The following FAM50A variants were observed in gnomAD, a reference collection of about 807,000 sequenced individuals.
FAM50A encodes the protein protein FAM50A.
In FAM50A, 6 loss-of-function variants were observed where a neutral mutation model predicts 35.5. The observed-to-expected ratio is 0.17, with a 90% confidence interval of 0.09 to 0.33. The LOEUF is 0.33. Ranked by LOEUF, FAM50A falls within the 10% of genes least tolerant of loss-of-function variation. The probability of loss-of-function intolerance (pLI) is 1.00; values close to 1 mark genes in which losing one functional copy is unlikely to be tolerated. For synonymous variants in FAM50A, 120 were observed against 110.9 expected, an observed-to-expected ratio of 1.08 and a Z score of -0.52; for missense variants, 145 against 295.5, an observed-to-expected ratio of 0.49 and a Z score of 3.73.
rs781785747 is a variant in FAM50A, at chrX:154,444,203, C to CCCGCCGCCGCCGCCG, written c.-19_-5dup. 2 of 581,405 alleles carry CCCGCCGCCGCCGCCG rather than the reference C, an allele frequency of 3.4e-6. No individual in the cohort carries two copies. The highest frequency in any genetic ancestry group is 2.6e-5 in the African/African-American group (1 of 38,694). 47.9% of individuals were successfully genotyped at this position (581,405 alleles called of 1,213,427 possible). On this transcript the variant is annotated 5_prime_UTR_variant, in exon 1 of 13. Coordinates refer to ENST00000393600, the MANE Select transcript of FAM50A (RefSeq NM_004699.4). ...GCTGTCGCTGTCGCCGCCGCCGCCG[C>CCCGCCGCCGCCGCCG]CCGCCGCCGCCGCCGCCGCCGCCGC... is the stretch of plus-strand genomic sequence containing the variant.
intron 3 of FAM50A, 69 bp from the exon 4 acceptor site, chrX:154,446,346 G>A (rs1256164235): frequency 2.8e-6 from 3 of 1,077,469 alleles, no homozygotes; most frequent in African/African-American, 3.6e-5. Context: ...GTGGCTCTGG[G>A]TCAAGGAAGG....
chrX:154,444,166 G>GC lies in FAM50A; in HGVS notation c.-69dup, dbSNP rs2068770034. On this transcript the variant is annotated 5_prime_UTR_variant, in exon 1 of 13. Transcript: ENST00000393600. ...AGCTGACTGTTCGGCCGCCACCGCC[G>GC]CTGCCGCTGCCGCTGTCGCTGTCGC... 3.0e-6 allele frequency: 1 copy of GC among 330,827 alleles called. No individual in the cohort carries two copies. The highest frequency in any genetic ancestry group is 3.9e-6 in the Non-Finnish European group (1 of 254,763). 27.3% of individuals were successfully genotyped at this position (330,827 alleles called of 1,213,427 possible).
rs782742496 is a variant in FAM50A at position 154,449,875 on chromosome X, G to A, written c.781-8G>A. 19 of 1,209,241 alleles carry A rather than the reference G, an allele frequency of 1.6e-5. No individual in the cohort carries two copies. Among genetic ancestry groups the A allele is most frequent in the Non-Finnish European group, 1.9e-5 (17 of 894,718 alleles). On this transcript the variant is annotated splice_polypyrimidine_tract_variant and splice_region_variant and intron_variant, in intron 9 of 12. Coordinates refer to ENST00000393600, the MANE Select transcript of FAM50A (RefSeq NM_004699.4). ...TCAAGACGCCGCTTTCCTGCCCTTG[G>A]CTCCCAGCATCACAGCTTCTACGAC...
At chrX:154,447,433 A>G (rs929187187) in intron 4 of FAM50A, among the ~76,000 whole-genome samples, 10 of 111,340 alleles carry the variant, frequency 9.0e-5, no homozygotes, top group Non-Finnish European at 1.9e-4. Context: ...GTAGGGAGGA[A>G]GAACCTGCCA....
chrX:154,448,995 A>G (rs368530325), intron 7 of FAM50A, 41 bp downstream of exon 7: 6 of 1,135,264 alleles, frequency 5.3e-6, no homozygotes, highest in Non-Finnish European at 7.2e-6. Context: ...CCATGGGCCC[A>G]GCCTCCCTCA....
rs1351719941 is a variant in FAM50A, at chrX:154,444,188, T to C, written c.-48T>C. ...GCCGCTGCCGCTGCCGCTGTCGCTGTCGCCGCCGCCGCCGCCCGCCGCCGC... is the reference window on the plus strand; with the variant it reads ...GCCGCTGCCGCTGCCGCTGTCGCTGCCGCCGCCGCCGCCGCCCGCCGCCGC... On this transcript the variant is annotated 5_prime_UTR_variant, in exon 1 of 13. Coordinates refer to ENST00000393600, the MANE Select transcript of FAM50A (RefSeq NM_004699.4). 5.7e-5 allele frequency: 29 copies of C among 507,867 alleles called. No individual in the cohort carries two copies. In the South Asian group the frequency reaches 9.2e-4, roughly 16 times the overall value. 41.9% of individuals were successfully genotyped at this position (507,867 alleles called of 1,213,427 possible).
chrX:154,447,201 G>T (rs1462832863), intron 4 of FAM50A, among the ~76,000 whole-genome samples: 1 of 112,512 alleles, frequency 8.9e-6, no homozygotes, highest in East Asian at 2.8e-4. Context: ...GAGGCAGGAG[G>T]GGCGACGAGA....
chrX:154,445,612 G>A, intron 1 of FAM50A, 21 bp from the exon 2 acceptor site: 3 of 1,175,722 alleles, frequency 2.6e-6, no homozygotes, highest in Non-Finnish European at 2.3e-6. Flanking sequence ...TGGTTCTCAT[G>A]GTGGCTGTCA....
Position 154,444,215 on chromosome X carries a change from G to A in FAM50A, c.-21G>A, listed in dbSNP as rs1173525597. ...GCCGCCGCCGCCGCCCGCCGCCGCC[G>A]CCGCCGCCGCCGCCGCTGCCATGGC... On this transcript the variant is annotated 5_prime_UTR_variant, in exon 1 of 13. Transcript: ENST00000393600. 12 of 792,862 alleles carry A rather than the reference G, an allele frequency of 1.5e-5. No homozygotes were observed. Among genetic ancestry groups the A allele is most frequent in the Non-Finnish European group, 1.9e-5 (12 of 646,912 alleles). 65.3% of individuals were successfully genotyped at this position (792,862 alleles called of 1,213,427 possible).
chrX:154,450,010 T>C lies in FAM50A; in HGVS notation c.830-19T>C. ...CTGGGGCAGCAGCGGGACATTGGGC[T>C]GTCACTTCTCCCCTGCAGGACCACT... On this transcript the variant is annotated intron_variant, in intron 10 of 12. Coordinates refer to ENST00000393600, the MANE Select transcript of FAM50A (RefSeq NM_004699.4). The C allele has an allele frequency of 8.3e-7, 1 of 1,210,605 alleles. No homozygotes were observed. The highest frequency in any genetic ancestry group is 1.7e-5 in the African/African-American group (1 of 57,778).
intron 8 of FAM50A, 51 bp downstream of exon 8, chrX:154,449,348 A>G (rs1557200227): frequency 9.6e-7 from 1 of 1,037,380 alleles, no homozygotes; most frequent in Non-Finnish European, 1.4e-6. Context: ...CTGTGGCTCC[A>G]GCCTGGGTGC....
Position 154,449,212 on chromosome X carries a change from C to G in FAM50A, c.649-9C>G. ...CTTCCCTTCCCAACTCCTGGATTCC[C>G]GGATACAGATGAGAAAGGGCAACAC... On this transcript the variant is annotated splice_polypyrimidine_tract_variant and intron_variant, in intron 7 of 12. Transcript: ENST00000393600. The G allele has an allele frequency of 8.3e-7, 1 of 1,206,164 alleles. No individual in the cohort carries two copies. Among genetic ancestry groups the G allele is most frequent in the South Asian group, 1.8e-5 (1 of 56,888 alleles).
At chrX:154,448,624 G>T in intron 5 of FAM50A, 64 bp downstream of exon 5, 1 of 1,183,124 alleles carries the variant, frequency 8.5e-7, no homozygotes, top group Non-Finnish European at 1.1e-6. Flanking sequence ...CTTGCTTAGG[G>T]AGCCAGGCTC....
Position 154,450,444 on chromosome X carries a change from G to T in FAM50A, c.*12G>T. On this transcript the variant is annotated 3_prime_UTR_variant, in exon 13 of 13. Transcript: ENST00000393600. ...ACTAGATCCGCTGAGCATCCAGGAG[G>T]CTGCGCGGCCCCGGCTCCTCAGCTC... 1 of 1,209,828 alleles carries T rather than the reference G, an allele frequency of 8.3e-7. No individual in the cohort carries two copies. The highest frequency in any genetic ancestry group is 1.1e-6 in the Non-Finnish European group (1 of 894,274).
At chrX:154,444,448 C>A (rs943892582) in intron 1 of FAM50A, 102 bp downstream of exon 1, 13 of 357,271 alleles carry the variant, frequency 3.6e-5, no homozygotes, top group Admixed American at 1.5e-4. Flanking sequence ...CCACGGAGCG[C>A]GGGCGGCGCG....
At chrX:154,445,597 A>G (rs372696576) in intron 1 of FAM50A, 36 bp from the exon 2 acceptor site, 2 of 1,092,710 alleles carry the variant, frequency 1.8e-6, no homozygotes, top group Non-Finnish European at 2.5e-6. Flanking sequence ...TTCCACAGTG[A>G]GGGGTGGTTC....
intron 3 of FAM50A, among the ~76,000 whole-genome samples, 172 bp downstream of exon 3, chrX:154,446,083 G>A (rs1447184821): frequency 1.8e-5 from 2 of 112,484 alleles, no homozygotes; most frequent in Non-Finnish European, 3.8e-5. Flanking sequence ...CCACGCTCAC[G>A]TCTTTTCACC....
At position 154,450,049 on chromosome X, in the gene FAM50A, G is replaced by A; in HGVS notation, c.850G>A (p.Val284Ile). The A allele has an allele frequency of 8.3e-7, 1 of 1,211,384 alleles. No individual in the cohort carries two copies. The highest frequency in any genetic ancestry group is 1.1e-6 in the Non-Finnish European group (1 of 895,292). The change falls in exon 11 of 13, where the codon GTT (valine) becomes ATT (isoleucine). Residue 284 changes from valine to isoleucine, a missense_variant. By Grantham distance (29) the Val-to-Ile change is conservative. This residue lies in a region of FAM50A where 59 missense variants were observed against 164.5 expected (regional missense o/e 0.36). Transcript: ENST00000393600. ...GKSGPLFNFD[V>I]HDDVRLLSDA... The stretch of plus-strand genomic sequence containing the variant: ...TGCAGGACCACTCTTCAACTTTGAT[G>A]TTCATGACGATGTGCGGTTGCTCAG...
intron 4 of FAM50A, 58 bp from the exon 5 acceptor site, chrX:154,448,426 G>A: frequency 1.9e-6 from 2 of 1,037,068 alleles, no homozygotes; most frequent in Non-Finnish European, 1.4e-6. Flanking sequence ...CTGGGCGTCG[G>A]CCATATCAAA....
Sources: allele counts gnomAD v4.1 joint callset (sites outside exome capture counted in the v4.1 genomes callset), GRCh38; gene constraint gnomAD v4.1.1; regional missense constraint gnomAD v4.1.1; transcripts MANE v1.5; gene names NCBI Gene and HGNC (gene_info 2026-07-23, HGNC 2026-07-21).